Variants in TRPC6 observed in about 807,000 individuals in gnomAD.
TRPC6 encodes the protein short transient receptor potential channel 6.
TRPC6 carries 55 observed loss-of-function variants against 90.7 expected under a neutral mutation model. The ratio of observed to expected loss-of-function variants is 0.61; its 90% CI spans 0.49 to 0.76. The LOEUF is 0.76. TRPC6 is among the 30% of genes least tolerant of loss of function. The probability of loss-of-function intolerance (pLI) is 0.00; values close to 1 mark genes in which losing one functional copy is unlikely to be tolerated. For synonymous variants in TRPC6, 393 were observed against 393.0 expected (o/e 1.00, Z 0.00); for missense variants, 989 against 1,122.7 (o/e 0.88, Z 1.70).
At chr11:101,524,662 A>G (rs1183351730) in intron 1 of TRPC6, among the ~76,000 whole-genome samples, 1 of 152,232 alleles carries the variant, frequency 6.6e-6, no homozygotes, top group African/African-American at 2.4e-5. Flanking sequence ...TTCCATGTCA[A>G]TATTCCCCAT....
chr11:101,463,899 G>A (rs1490999867), intron 10 of TRPC6, among the ~76,000 whole-genome samples: 2 of 152,034 alleles, frequency 1.3e-5, no homozygotes, highest in Non-Finnish European at 2.9e-5. Context: ...TTTGATGTTA[G>A]GGTGTCAATT....
chr11:101,527,549 T>C (rs904047424), intron 1 of TRPC6, among the ~76,000 whole-genome samples: 58 of 152,268 alleles, frequency 3.8e-4, no homozygotes, highest in African/African-American at 1.3e-3. Flanking sequence ...GTGAAGTGTG[T>C]GTGGTTGGGG....
chr11:101,525,281 T>C (rs1383087656), intron 1 of TRPC6, among the ~76,000 whole-genome samples: 1 of 152,248 alleles, frequency 6.6e-6, no homozygotes, highest in Non-Finnish European at 1.5e-5. Flanking sequence ...GAGTGTGATC[T>C]TGAGTGACTA....
At chr11:101,551,308 A>G (rs983751639) in intron 1 of TRPC6, among the ~76,000 whole-genome samples, 8 of 152,034 alleles carry the variant, frequency 5.3e-5, no homozygotes, top group Non-Finnish European at 1.2e-4. Flanking sequence ...CTGCAACCAT[A>G]AAGTATTAAA....
Position 101,583,721 on chromosome 11 carries a change from G to A in TRPC6, c.-218C>T, listed in dbSNP as rs56134796. The A allele has an allele frequency of 0.21, 99,718 of 472,656 alleles. 12,183 individuals are homozygous for A. Among genetic ancestry groups the A allele is most frequent in the Middle Eastern group, 0.31 (564 of 1,802 alleles). 29.3% of individuals were successfully genotyped at this position (472,656 alleles called of 1,614,324 possible). On this transcript the variant is annotated 5_prime_UTR_variant, in exon 1 of 13. Coordinates refer to ENST00000344327, the MANE Select transcript of TRPC6 (RefSeq NM_004621.6). Reference sequence around the variant, plus strand: ...TCACCACTTAAGGGGGTGCAAAGAGGATCTTGACCTGAGCAGGTCAGGCCG... The same window carrying A: ...TCACCACTTAAGGGGGTGCAAAGAGAATCTTGACCTGAGCAGGTCAGGCCG...
intron 1 of TRPC6, among the ~76,000 whole-genome samples, chr11:101,509,576 T>C (rs930845045): frequency 6.6e-6 from 1 of 152,204 alleles, no homozygotes; most frequent in African/African-American, 2.4e-5. Flanking sequence ...AATCTATGAC[T>C]TTCCTGCCCA....
At position 101,471,194 on chromosome 11, in the gene TRPC6, C is replaced by T. The variant is rs140980724; in HGVS notation, c.2398G>A (p.Glu800Lys). Residue 800 changes from glutamate (E) to lysine (K), a missense_variant, in exon 9 of 13, where the codon GAG (glutamate) becomes AAG (lysine). Glu to Lys is a moderately conservative substitution (Grantham distance 56). This residue lies in a region of TRPC6 where 191 missense variants were observed against 196.7 expected (regional missense o/e 0.97). Transcript: ENST00000344327. ...TCAAGCTAAGTTACCTTGTTCATCT[C>T]TGCATCTTCCTGGAAACCTTTTTTA... ...GHKKGFQEDAEMNKINEEKKL... is the reference protein window; with the variant it reads ...GHKKGFQEDAKMNKINEEKKL... 11 of 1,613,726 alleles carry T rather than the reference C, an allele frequency of 6.8e-6. No individual in the cohort carries two copies. In the African/African-American group the frequency reaches 1.3e-4, roughly 20 times the overall value.
At chr11:101,491,914 C>T (rs1199337026) in intron 2 of TRPC6, among the ~76,000 whole-genome samples, 176 bp from the exon 3 acceptor site, 1 of 136,688 alleles carries the variant, frequency 7.3e-6, no homozygotes, top group African/African-American at 2.8e-5. Flanking sequence ...AATCTTGGCT[C>T]ACTGCAAGAT....
intron 5 of TRPC6, among the ~76,000 whole-genome samples, chr11:101,479,025 G>A (rs1055475498): frequency 6.6e-6 from 1 of 152,088 alleles, no homozygotes; most frequent in Non-Finnish European, 1.5e-5. Flanking sequence ...TTCACTAAAT[G>A]GGGCCCTCTG....
intron 1 of TRPC6, among the ~76,000 whole-genome samples, chr11:101,563,754 G>A (rs1861767422): frequency 6.6e-6 from 1 of 152,122 alleles, no homozygotes; most frequent in South Asian, 2.1e-4. Context: ...AACTGAGTAC[G>A]CAGAGCATGA....
intron 1 of TRPC6, among the ~76,000 whole-genome samples, chr11:101,514,861 G>A (rs577393378): frequency 2.0e-5 from 3 of 152,212 alleles, no homozygotes; most frequent in Admixed American, 2.0e-4. Flanking sequence ...TGAGAACTGA[G>A]TCCTTAGGGA....
intron 1 of TRPC6, among the ~76,000 whole-genome samples, chr11:101,553,835 C>T (rs1030459150): frequency 2.5e-4 from 38 of 151,996 alleles, no homozygotes; most frequent in Admixed American, 1.3e-4. Flanking sequence ...TAAGATTTAT[C>T]GTGTCCCAGA....
chr11:101,529,602 C>A (rs1178138711), intron 1 of TRPC6, among the ~76,000 whole-genome samples: 1 of 152,124 alleles, frequency 6.6e-6, no homozygotes, highest in Non-Finnish European at 1.5e-5. Flanking sequence ...TTAGGGGGGA[C>A]CTTAAAAAAT....
At chr11:101,527,997 C>T (rs1044127562) in intron 1 of TRPC6, among the ~76,000 whole-genome samples, 5 of 151,968 alleles carry the variant, frequency 3.3e-5, no homozygotes, top group African/African-American at 1.2e-4. Context: ...CGCTTGAACC[C>T]GGGAGGCAGA....
At chr11:101,550,951 T>C (rs1466151504) in intron 1 of TRPC6, among the ~76,000 whole-genome samples, 1 of 151,812 alleles carries the variant, frequency 6.6e-6, no homozygotes, top group African/African-American at 2.4e-5. Context: ...AATTGAACCA[T>C]GTGATTGAAT....
intron 10 of TRPC6, among the ~76,000 whole-genome samples, chr11:101,465,254 G>C (rs1199530310): frequency 6.6e-5 from 10 of 152,058 alleles, no homozygotes; most frequent in Admixed American, 6.5e-4. Context: ...TGAATCTGAT[G>C]ATTATGTGTC....
intron 10 of TRPC6, 140 bp downstream of exon 10, chr11:101,469,287 G>T: frequency 1.6e-6 from 1 of 638,460 alleles, no homozygotes; most frequent in South Asian, 1.7e-5. Context: ...TAACAGAATT[G>T]TTGAGATTTG....
At chr11:101,521,223 G>A (rs1860651932) in intron 1 of TRPC6, among the ~76,000 whole-genome samples, 1 of 152,148 alleles carries the variant, frequency 6.6e-6, no homozygotes, top group Admixed American at 6.5e-5. Context: ...GCCAGGCCCA[G>A]GACCCAGCTT....
At chr11:101,453,981 C>A (rs184240410) in intron 11 of TRPC6, among the ~76,000 whole-genome samples, 1 of 152,202 alleles carries the variant, frequency 6.6e-6, no homozygotes, top group East Asian at 1.9e-4. Flanking sequence ...GTATGAAATC[C>A]TTTATGTCCA....
Sources: allele counts gnomAD v4.1 joint callset (sites outside exome capture counted in the v4.1 genomes callset), GRCh38; gene constraint gnomAD v4.1.1; regional missense constraint gnomAD v4.1.1; transcripts MANE v1.5; gene names NCBI Gene and HGNC (gene_info 2026-07-23, HGNC 2026-07-21).